Variants in CFHR2 observed in about 807,000 individuals in gnomAD.
The protein encoded by CFHR2 is complement factor H related 2.
Under a neutral mutation model 21.7 loss-of-function variants are expected in CFHR2, and 22 were observed. That is an observed-to-expected ratio of 1.01 (90% CI 0.72 to 1.45). The LOEUF (loss-of-function observed/expected upper bound fraction) is 1.45. Ranked by LOEUF, CFHR2 falls within the 40% of genes most tolerant of loss-of-function variation. The pLI is 0.00. For missense variants in CFHR2, 294 were observed against 293.3 expected (o/e 1.00, Z -0.02); for synonymous variants, 98 against 97.4 (o/e 1.01, Z -0.04).
rs568906070 is a variant in CFHR2, at chr1:196,944,465, G to C, written c.58+527G>C. ...TCATTTATATATAAACCAGTGAACT[G>C]TCAAGAAATTGCTTCTTCTGAGCTC... On this transcript the variant is annotated intron_variant, in intron 1 of 4. Coordinates refer to ENST00000367415, the MANE Select transcript of CFHR2 (RefSeq NM_005666.4). 1.4e-4 allele frequency among the ~76,000 whole-genome samples: 22 copies of C among 152,116 alleles called. No homozygotes were observed. In the East Asian group the frequency reaches 4.2e-3, roughly 29 times the overall value.
At chr1:196,950,456 T>C (rs1659682262) in intron 2 of CFHR2, among the ~76,000 whole-genome samples, 1 of 151,860 alleles carries the variant, frequency 6.6e-6, no homozygotes, top group African/African-American at 2.4e-5. Flanking sequence ...TTTTGGTTTT[T>C]TGTTTGTTTG....
chr1:196,949,465 T>A lies in CFHR2; in HGVS notation c.69T>A (p.Cys23Ter). 6.2e-7 allele frequency: 1 copy of A among 1,612,790 alleles called. No homozygotes were observed. Among genetic ancestry groups the A allele is most frequent in the South Asian group, 1.1e-5 (1 of 90,886 alleles). Residue 23 changes from cysteine to a stop codon, truncating the protein, a stop_gained, in exon 2 of 5, where the codon TGT (cysteine) becomes TGA (stop). Coordinates refer to ENST00000367415, the MANE Select transcript of CFHR2 (RefSeq NM_005666.4). LOFTEE classifies it high-confidence loss of function. ...GTGTTATTTTCCCAGCAATGTTCTGTGATTTTCCAAAAATAAACCATGGAA... is the reference window on the plus strand; with the variant it reads ...GTGTTATTTTCCCAGCAATGTTCTGAGATTTTCCAAAAATAAACCATGGAA... ...ISSVGGEAMF[C>*]DFPKINHGIL...
chr1:196,957,133 G>A (rs1652916504), intron 3 of CFHR2, among the ~76,000 whole-genome samples: 1 of 151,942 alleles, frequency 6.6e-6, no homozygotes, highest in Non-Finnish European at 1.5e-5. Context: ...CTGGGCTTTT[G>A]GGTATAGAAA....
Position 196,959,557 on chromosome 1 carries a change from C to G in CFHR2, c.*477C>G, listed in dbSNP as rs1042454815. ...AAATGTCAATTCCTAACAGTCACAG[C>G]CTGGGAGCTCATGTTTGCCTTCTTT... is the stretch of plus-strand genomic sequence containing the variant. On this transcript the variant is annotated 3_prime_UTR_variant, in exon 5 of 5. Transcript: ENST00000367415. Among the ~76,000 whole-genome samples, 7 of 151,982 alleles carry G rather than the reference C, an allele frequency of 4.6e-5. No individual in the cohort carries two copies. The highest frequency in any genetic ancestry group is 1.7e-4 in the African/African-American group (7 of 41,412).
intron 4 of CFHR2, among the ~76,000 whole-genome samples, chr1:196,958,606 T>C (rs972048331): frequency 6.6e-6 from 1 of 152,130 alleles, no homozygotes; most frequent in Non-Finnish European, 1.5e-5. Context: ...ACAGCAATGA[T>C]AGGTTCTAAA....
At chr1:196,944,578 T>C (rs1659405557) in intron 1 of CFHR2, among the ~76,000 whole-genome samples, 1 of 151,942 alleles carries the variant, frequency 6.6e-6, no homozygotes, top group South Asian at 2.1e-4. Context: ...TCCCATTTTA[T>C]TTCATGTTGA....
At chr1:196,949,769 G>C in intron 2 of CFHR2, 120 bp downstream of exon 2, 1 of 1,262,690 alleles carries the variant, frequency 7.9e-7, no homozygotes, top group Non-Finnish European at 1.1e-6. Context: ...TGGAAAGATG[G>C]GAGATGTAGT....
chr1:196,950,476 G>GTTTT (rs755831185), intron 2 of CFHR2, among the ~76,000 whole-genome samples: 4 of 151,798 alleles, frequency 2.6e-5, no homozygotes, highest in Non-Finnish European at 5.9e-5. Flanking sequence ...GTTTTGTTTT[G>GTTTT]TTTTGTTTTG....
chr1:196,958,765 G>A (rs183506849), intron 4 of CFHR2, 116 bp from the exon 5 acceptor site: 37 of 649,818 alleles, frequency 5.7e-5, no homozygotes, highest in Non-Finnish European at 7.6e-5. Flanking sequence ...CATTAGTTTG[G>A]AAAGGATTTT....
chr1:196,949,522 T>C lies in CFHR2; in HGVS notation c.126T>C (p.Phe42=), dbSNP rs1217776644. Residue 42 remains phenylalanine, a synonymous_variant, in exon 2 of 5, where the codon TTT becomes TTC. Transcript: ENST00000367415. ...ILYDEEKYKP[F]SQVPTGEVFY... is the part of the protein sequence containing the mutation. ...ATGATGAAGAAAAATATAAGCCATTTTCCCAAGTTCCTACAGGGGAAGTTT... is the reference window on the plus strand; with the variant it reads ...ATGATGAAGAAAAATATAAGCCATTCTCCCAAGTTCCTACAGGGGAAGTTT... The C allele has an allele frequency of 1.2e-6, 2 of 1,614,010 alleles. No homozygotes were observed. Among genetic ancestry groups the C allele is most frequent in the South Asian group, 2.2e-5 (2 of 91,080 alleles).
rs41313886 is a variant in CFHR2, at chr1:196,959,283, G to A, written c.*203G>A. ...TTCACCAAATCTAAGTAACAACCTAGGAATTGTCTTTTTTTTTCTTTTTAA... is the reference window on the plus strand; with the variant it reads ...TTCACCAAATCTAAGTAACAACCTAAGAATTGTCTTTTTTTTTCTTTTTAA... On this transcript the variant is annotated 3_prime_UTR_variant, in exon 5 of 5. Transcript: ENST00000367415. 1.2e-5 allele frequency: 6 copies of A among 482,510 alleles called. No homozygotes were observed. Among genetic ancestry groups the A allele is most frequent in the East Asian group, 1.0e-4 (3 of 29,028 alleles). The allele number at this position is 482,510 out of a possible 1,614,324, so 29.9% of individuals were successfully genotyped here. A position where few individuals can be genotyped will look rare whatever the true frequency, so the allele number is the denominator to read the frequency against.
intron 3 of CFHR2, among the ~76,000 whole-genome samples, chr1:196,954,101 A>C (rs2125011425): frequency 6.6e-6 from 1 of 152,342 alleles, no homozygotes; most frequent in South Asian, 2.1e-4. Flanking sequence ...GTTTTTTAAA[A>C]AGTCTTTGAT....
intron 3 of CFHR2, among the ~76,000 whole-genome samples, chr1:196,954,033 AAAC>A (rs1475526562): frequency 6.6e-6 from 1 of 152,238 alleles, no homozygotes; most frequent in Non-Finnish European, 1.5e-5. Flanking sequence ...TAGTTTTTAT[AAAC>A]ATACTAGTGA....
chr1:196,957,824 T>C (rs1571497562), intron 3 of CFHR2, 67 bp from the exon 4 acceptor site: 1 of 1,426,988 alleles, frequency 7.0e-7, no homozygotes. Context: ...GTGCCTTGTT[T>C]GCATTTGCCT....
chr1:196,947,952 T>A lies in CFHR2; in HGVS notation c.59-1503T>A, dbSNP rs576449444. Among the ~76,000 whole-genome samples, 5 of 152,218 alleles carry A rather than the reference T, an allele frequency of 3.3e-5. No homozygotes were observed. In the South Asian group the frequency reaches 1.0e-3, roughly 32 times the overall value. On this transcript the variant is annotated intron_variant, in intron 1 of 4. Transcript: ENST00000367415. ...AGAAATCTCTACCTTCCACTCAATT[T>A]TGCTGTGAAAAACTTGTTAATAAAA...
chr1:196,947,813 C>T (rs1319130956), intron 1 of CFHR2, among the ~76,000 whole-genome samples: 2 of 151,574 alleles, frequency 1.3e-5, no homozygotes, highest in Non-Finnish European at 2.9e-5. Flanking sequence ...ATATCAAACC[C>T]ATGGAATGTA....
chr1:196,953,117 C>A (rs191547141), intron 3 of CFHR2, among the ~76,000 whole-genome samples: 2 of 152,220 alleles, frequency 1.3e-5, no homozygotes, highest in Non-Finnish European at 2.9e-5. Flanking sequence ...TAACATTTTG[C>A]AAGTTATGGT....
intron 3 of CFHR2, among the ~76,000 whole-genome samples, chr1:196,955,670 G>T (rs1652842015): frequency 1.3e-5 from 2 of 151,868 alleles, no homozygotes; most frequent in African/African-American, 4.8e-5. Context: ...CCCACATCGT[G>T]AAACTCTGTC....
At chr1:196,955,823 G>T (rs1652852449) in intron 3 of CFHR2, among the ~76,000 whole-genome samples, 1 of 151,970 alleles carries the variant, frequency 6.6e-6, no homozygotes. Flanking sequence ...CTGCAGTCTG[G>T]GTGACAGAGC....
Sources: allele counts gnomAD v4.1 joint callset (sites outside exome capture counted in the v4.1 genomes callset), GRCh38; gene constraint gnomAD v4.1.1; transcripts MANE v1.5; gene names NCBI Gene and HGNC (gene_info 2026-07-23, HGNC 2026-07-21).